Variants in JARID2 observed in about 807,000 individuals in gnomAD.
JARID2 encodes the protein protein Jumonji.
Under a neutral mutation model 125.6 loss-of-function variants are expected in JARID2, and 21 were observed. The observed-to-expected ratio is 0.17, with a 90% CI of 0.12 to 0.24. The LOEUF (loss-of-function observed/expected upper bound fraction) is 0.24. Among genes scored for constraint, JARID2 ranks in the 10% least tolerant of loss-of-function variants. The probability of loss-of-function intolerance (pLI) is 1.00; values close to 1 mark genes in which losing one functional copy is unlikely to be tolerated. For synonymous variants in JARID2, 736 were observed against 661.6 expected (o/e 1.11, Z -1.73); for missense variants, 1,303 against 1,639.6 (o/e 0.79, Z 3.55).
chr6:15,429,489 C>G (rs1386767113), intron 3 of JARID2, among the ~76,000 whole-genome samples: 1 of 152,060 alleles, frequency 6.6e-6, no homozygotes, highest in Admixed American at 6.6e-5. Context: ...TGGTTGCGAA[C>G]TCCTGGTGGC....
intron 4 of JARID2, among the ~76,000 whole-genome samples, chr6:15,454,292 T>C (rs1028818984): frequency 2.6e-5 from 4 of 152,162 alleles, no homozygotes; most frequent in Admixed American, 1.3e-4. Context: ...GACTGAATTG[T>C]TGGGGGGGAA....
In JARID2 at chr6:15,273,926, A is replaced by G. The variant is rs577611603; in HGVS notation, c.45+27342A>G. 3.7e-5 allele frequency among the ~76,000 whole-genome samples: 5 copies of G among 136,894 alleles called. No homozygotes were observed. In the East Asian group the frequency reaches 6.8e-4, roughly 19 times the overall value. The allele number at this position is 136,894 out of a possible 152,430, so 89.8% of individuals were successfully genotyped here. On this transcript the variant is annotated intron_variant, in intron 1 of 17. Transcript: ENST00000341776. ...TGCATTTCTCTGAAAAATTTTGTCTATATCTTTTTTTTTTTTTTTTAAGAT... is the reference window on the plus strand; with the variant it reads ...TGCATTTCTCTGAAAAATTTTGTCTGTATCTTTTTTTTTTTTTTTTAAGAT...
chr6:15,281,082 G>A (rs1291894487), intron 1 of JARID2, among the ~76,000 whole-genome samples: 2 of 152,322 alleles, frequency 1.3e-5, no homozygotes, highest in East Asian at 3.9e-4. Flanking sequence ...GCTGGTATTT[G>A]ACAGGTTTGC....
At chr6:15,492,309 C>G (rs560936541) in intron 6 of JARID2, among the ~76,000 whole-genome samples, 3 of 152,214 alleles carry the variant, frequency 2.0e-5, no homozygotes, top group South Asian at 2.1e-4. Flanking sequence ...TAGCCCACGT[C>G]GGCGCTAATT....
At chr6:15,463,555 C>G (rs990267534) in intron 4 of JARID2, among the ~76,000 whole-genome samples, 2 of 151,692 alleles carry the variant, frequency 1.3e-5, no homozygotes, top group African/African-American at 4.8e-5. Context: ...TTCAGCCTCC[C>G]TAGTAGCTGG....
intron 2 of JARID2, among the ~76,000 whole-genome samples, chr6:15,381,273 C>T (rs1176127651): frequency 7.1e-6 from 1 of 140,766 alleles, no homozygotes; most frequent in Non-Finnish European, 1.5e-5. Flanking sequence ...ACCTGGGATG[C>T]GGAGCTTGCA....
intron 1 of JARID2, chr6:15,324,307 TCTCTTGTGTTTC>T: frequency 6.6e-6 from 1 of 152,194 alleles, no homozygotes; most frequent in Admixed American, 6.5e-5. Flanking sequence ...GGAAGGATTA[TCTCTTGTGTTTC>T]CTCTTGGAGT....
chr6:15,339,844 CTCT>C, intron 1 of JARID2, among the ~76,000 whole-genome samples: 1 of 152,116 alleles, frequency 6.6e-6, no homozygotes, highest in African/African-American at 2.4e-5. Context: ...CCAGTTAGCT[CTCT>C]TCTAAAGTTT....
At chr6:15,519,926 T>C in intron 17 of JARID2, 143 bp from the exon 18 acceptor site, 1 of 543,310 alleles carries the variant, frequency 1.8e-6, no homozygotes, top group Non-Finnish European at 3.2e-6. Flanking sequence ...TCTGAGCCTC[T>C]CGGGGTTATT....
intron 2 of JARID2, among the ~76,000 whole-genome samples, chr6:15,398,666 A>T (rs1470267402): frequency 6.6e-6 from 1 of 152,228 alleles, no homozygotes; most frequent in Non-Finnish European, 1.5e-5. Context: ...GGAAGTAATG[A>T]CGATGGTCAG....
At chr6:15,297,631 C>T (rs548529683) in intron 1 of JARID2, among the ~76,000 whole-genome samples, 8 of 152,204 alleles carry the variant, frequency 5.3e-5, no homozygotes, top group African/African-American at 7.2e-5. Context: ...CATGAGCCAC[C>T]GTGCTTGGCC....
At chr6:15,375,241 G>C (rs1251250863) in intron 2 of JARID2, among the ~76,000 whole-genome samples, 1 of 152,170 alleles carries the variant, frequency 6.6e-6, no homozygotes, top group African/African-American at 2.4e-5. Context: ...TTTCTATGGG[G>C]CAATGGCAGA....
chr6:15,314,688 T>C (rs1762122771), intron 1 of JARID2, among the ~76,000 whole-genome samples: 1 of 152,192 alleles, frequency 6.6e-6, no homozygotes, highest in African/African-American at 2.4e-5. Context: ...CTTGGAACAG[T>C]GTCACAGACA....
intron 3 of JARID2, among the ~76,000 whole-genome samples, chr6:15,413,000 G>GTTTTTTTTTTTTTT (rs1561845196): frequency 4.6e-5 from 3 of 65,028 alleles, no homozygotes; most frequent in African/African-American, 1.8e-4. Context: ...GGAAGAGCTT[G>GTTTTTTTTTTTTTT]TGTTTTTGTT....
At chr6:15,287,035 C>T (rs189648801) in intron 1 of JARID2, among the ~76,000 whole-genome samples, 61 of 152,120 alleles carry the variant, frequency 4.0e-4, no homozygotes, top group Non-Finnish European at 7.5e-4. Flanking sequence ...TAATCTTGAA[C>T]CTGAGGCTTG....
intron 3 of JARID2, among the ~76,000 whole-genome samples, chr6:15,415,676 G>A (rs1581529414): frequency 6.9e-6 from 1 of 144,866 alleles, no homozygotes; most frequent in African/African-American, 2.7e-5. Context: ...CGGACGGGGT[G>A]GCTGGCCGGG....
chr6:15,262,079 C>T (rs1286158493), intron 1 of JARID2, among the ~76,000 whole-genome samples: 4 of 151,752 alleles, frequency 2.6e-5, no homozygotes, highest in African/African-American at 4.8e-5. Context: ...CGCGCCCGGC[C>T]CAGGGGATGG....
intron 1 of JARID2, among the ~76,000 whole-genome samples, chr6:15,320,093 A>G (rs56855011): frequency 0.082 from 12,555 of 152,228 alleles, 655 homozygotes; most frequent in East Asian, 0.15. Flanking sequence ...TTGTTTTATT[A>G]GTATGTTTCA....
rs568124335 is a variant in JARID2, at chr6:15,410,387, T to C, written c.323+22T>C. On this transcript the variant is annotated intron_variant, in intron 3 of 17. Transcript: ENST00000341776. The stretch of plus-strand genomic sequence containing the variant: ...AAAGGTTAGTACCCAAGGCTGAAAA[T>C]ATTGGTACCTTCAACCAGGGACTGC... 487 of 1,609,880 alleles carry C rather than the reference T, an allele frequency of 3.0e-4. 7 individuals are homozygous for C. The South Asian group carries it at 5.2e-3, about 17-fold the overall frequency.
Sources: allele counts gnomAD v4.1 joint callset (sites outside exome capture counted in the v4.1 genomes callset), GRCh38; gene constraint gnomAD v4.1.1; transcripts MANE v1.5; gene names NCBI Gene and HGNC (gene_info 2026-07-23, HGNC 2026-07-21).